EIF4E3: variants seen among roughly 807,000 people sequenced by gnomAD.
EIF4E3 encodes the protein eukaryotic translation initiation factor 4E type 3.
A neutral mutation model predicts 31.7 loss-of-function variants in EIF4E3; 26 were observed. That is an observed-to-expected ratio of 0.82 (90% confidence interval 0.60 to 1.14). The LOEUF is 1.14. Ranked by LOEUF, EIF4E3 falls within the 50% of genes most tolerant of loss-of-function variation. The pLI, the probability that EIF4E3 is intolerant of heterozygous loss-of-function variation, is 0.00. For missense variants in EIF4E3, 304 were observed against 270.9 expected, an observed-to-expected ratio of 1.12 and a Z score of -0.86; for synonymous variants, 128 against 107.7, an observed-to-expected ratio of 1.19 and a Z score of -1.17.
chr3:71,724,736 G>A (rs917699151), intron 1 of EIF4E3, among the ~76,000 whole-genome samples: 5 of 152,126 alleles, frequency 3.3e-5, no homozygotes, highest in African/African-American at 9.7e-5. Context: ...TTGCACCACC[G>A]CACACCTCCC....
chr3:71,661,260 G>C, the EIF4E3 span, among the ~76,000 whole-genome samples: 2 of 152,020 alleles, frequency 1.3e-5, no homozygotes, highest in South Asian at 4.2e-4. Flanking sequence ...GTTTCTTTAC[G>C]TTTCTGGAGG....
chr3:71,748,134 C>T (rs1381203194), intron 1 of EIF4E3, among the ~76,000 whole-genome samples: 1 of 152,140 alleles, frequency 6.6e-6, no homozygotes, highest in Non-Finnish European at 1.5e-5. Flanking sequence ...GGGAACACAG[C>T]TTCCCAGGGA....
chr3:71,726,353 G>A (rs913651870), upstream of EIF4E3, among the ~76,000 whole-genome samples: 2 of 152,166 alleles, frequency 1.3e-5, no homozygotes, highest in African/African-American at 2.4e-5. Context: ...TCCCTTAGGC[G>A]GTGAGATTCC....
chr3:71,711,603 T>C (rs2029012), intron 1 of EIF4E3, among the ~76,000 whole-genome samples: 12,003 of 152,190 alleles, frequency 0.079, 548 homozygotes, highest in East Asian at 0.1. Context: ...CATGCCCAGG[T>C]TGGGGTAAGC....
intron 3 of EIF4E3, 137 bp downstream of exon 3, chr3:71,699,477 G>A (rs2049184631): frequency 1.3e-6 from 1 of 771,678 alleles, no homozygotes; most frequent in Non-Finnish European, 2.2e-6. Flanking sequence ...CTTACCCCCA[G>A]ACCCTGGGCC....
chr3:71,666,826 C>A, the EIF4E3 span, among the ~76,000 whole-genome samples: 1 of 152,066 alleles, frequency 6.6e-6, no homozygotes, highest in Non-Finnish European at 1.5e-5. Flanking sequence ...GTAGTCCAGG[C>A]TACCCAGAAG....
the EIF4E3 span, among the ~76,000 whole-genome samples, chr3:71,669,554 A>G: frequency 6.6e-6 from 1 of 152,188 alleles, no homozygotes; most frequent in Admixed American, 6.5e-5. Context: ...ATACAAATGG[A>G]TACGTTAAAT....
rs552037155 is a variant in EIF4E3 at position 71,696,507 on chromosome 3, T to C, written c.358A>G (p.Asn120Asp). Residue 120 changes from asparagine (N) to aspartate (D), a missense_variant, in exon 4 of 7, where the codon AAT (asparagine) becomes GAT (aspartate). Transcript: ENST00000425534. Reference protein sequence around the residue: ...ERRPLWEEESNAKGGVWKMKV... With the variant: ...ERRPLWEEESDAKGGVWKMKV... ...ATCTTCCATACGCCACCCTTTGCAT[T>C]ACTCTCCTCTTCCCTGGGCCAAAGA... The C allele has an allele frequency of 5.0e-6, 8 of 1,614,158 alleles. No individual in the cohort carries two copies. In the South Asian group the frequency reaches 8.8e-5, roughly 18 times the overall value.
chr3:71,698,004 T>A (rs1257603242), intron 3 of EIF4E3, among the ~76,000 whole-genome samples: 1 of 152,228 alleles, frequency 6.6e-6, no homozygotes, highest in East Asian at 1.9e-4. Flanking sequence ...TCTCCATAGT[T>A]GGCTGTGCTA....
intron 1 of EIF4E3, among the ~76,000 whole-genome samples, chr3:71,731,004 G>C (rs117269351): frequency 2.8e-4 from 43 of 152,234 alleles, no homozygotes; most frequent in Admixed American, 2.7e-3. Context: ...AATTACAGAC[G>C]TGAGCCACAG....
At position 71,696,620 on chromosome 3, in the gene EIF4E3, G is replaced by T. The variant is rs557367506; in HGVS notation, c.345-100C>A. Reference sequence around the variant, plus strand: ...TCATACATTTAGTTTAACAACAGATGACCTTAAAAACAAAATAGTTGGGCA... The same window carrying T: ...TCATACATTTAGTTTAACAACAGATTACCTTAAAAACAAAATAGTTGGGCA... On this transcript the variant is annotated intron_variant, in intron 3 of 6. Coordinates refer to ENST00000425534, the MANE Select transcript of EIF4E3 (RefSeq NM_001134651.2). 12 of 1,383,422 alleles carry T rather than the reference G, an allele frequency of 8.7e-6. No homozygotes were observed. In the African/African-American group the frequency reaches 8.7e-5, roughly 10 times the overall value. The allele number at this position is 1,383,422 out of a possible 1,614,324, so 85.7% of individuals were successfully genotyped here.
chr3:71,754,476 C>T (rs777876829), upstream of EIF4E3: 5 of 1,309,286 alleles, frequency 3.8e-6, no homozygotes, highest in Non-Finnish European at 4.9e-6. This position sits in a 1 kb window ranked among gnomAD's most constrained non-coding sequence, Gnocchi z 5.8. Flanking sequence ...CGCCGCCATG[C>T]TGGTGTGCGC....
chr3:71,691,095 G>A (rs1578337008), intron 5 of EIF4E3, among the ~76,000 whole-genome samples: 1 of 152,112 alleles, frequency 6.6e-6, no homozygotes, highest in South Asian at 2.1e-4. Flanking sequence ...TTGATTCTTT[G>A]TTTCCTTGTT....
Position 71,747,450 on chromosome 3 carries a change from CT to C in EIF4E3, c.-291+6012del, listed in dbSNP as rs1345770565. On this transcript the variant is annotated intron_variant, in intron 1 of 7. Transcript: ENST00000295612. ...TTTTAGAGAAATGCCTATTTAAAGC[CT>C]TTGTCCATTTTTAAAATTGGGTTGT... Among the ~76,000 whole-genome samples, 3 of 152,104 alleles carry C rather than the reference CT, an allele frequency of 2.0e-5. No homozygotes were observed. In the East Asian group the frequency reaches 5.8e-4, roughly 29 times the overall value.
Position 71,725,114 on chromosome 3 carries a change from G to GGGCCGCGCCGAGA in EIF4E3, c.176+65_176+77dup. On this transcript the variant is annotated intron_variant, in intron 1 of 6. Coordinates refer to ENST00000425534, the MANE Select transcript of EIF4E3 (RefSeq NM_001134651.2). This position sits in a 1 kb window ranked among gnomAD's most constrained non-coding sequence, Gnocchi z 6.1. ...CACAGCGGAGCGGGGCCGGGGCGAG[G>GGGCCGCGCCGAGA]GGCCGCGCCGAGACAAAGCGGCGGT... 3 of 979,494 alleles carry GGGCCGCGCCGAGA rather than the reference G, an allele frequency of 3.1e-6. No homozygotes were observed. The highest frequency in any genetic ancestry group is 9.0e-5 in the South Asian group (2 of 22,204). The allele number at this position is 979,494 out of a possible 1,614,324, so 60.7% of individuals were successfully genotyped here.
At chr3:71,684,785 G>A (rs1452158814) in intron 6 of EIF4E3, 57 bp from the exon 7 acceptor site, 2 of 1,582,914 alleles carry the variant, frequency 1.3e-6, no homozygotes, top group Non-Finnish European at 1.7e-6. Context: ...TTAAGCAAAG[G>A]ATGGGCCAAC....
intron 5 of EIF4E3, among the ~76,000 whole-genome samples, chr3:71,691,311 AGG>A (rs2049060351): frequency 6.6e-6 from 1 of 152,252 alleles, no homozygotes; most frequent in African/African-American, 2.4e-5. Context: ...TTTTAGTATT[AGG>A]ATATAATTTA....
the EIF4E3 span, among the ~76,000 whole-genome samples, chr3:71,660,371 T>C: frequency 4.6e-5 from 7 of 151,644 alleles, no homozygotes; most frequent in Non-Finnish European, 1.0e-4. Flanking sequence ...AAAGAAACAC[T>C]GTGCAGGAGT....
intron 1 of EIF4E3, among the ~76,000 whole-genome samples, chr3:71,723,093 C>T (rs556117474): frequency 1.3e-5 from 2 of 152,258 alleles, no homozygotes; most frequent in Admixed American, 6.5e-5. Flanking sequence ...ACTCAAAAAC[C>T]GATGTCATCT....
Sources: gnomAD v4.1 joint callset for allele counts (sites outside exome capture counted in the v4.1 genomes callset) on GRCh38, gnomAD v4.1.1 for gene constraint, Gnocchi (gnomAD v3.1) non-coding constraint, MANE v1.5 for transcripts, NCBI Gene and HGNC (gene_info 2026-07-23, HGNC 2026-07-21) for gene names.